The following DTNB variants were observed in gnomAD, a reference collection of about 807,000 sequenced individuals.
DTNB encodes the protein DTN-B.
A neutral mutation model predicts 90.7 loss-of-function variants in DTNB; 63 were observed. The observed-to-expected ratio is 0.69, with a 90% CI of 0.57 to 0.86. DTNB has a LOEUF of 0.86. Ranked by LOEUF, DTNB falls within the 40% of genes least tolerant of loss-of-function variation. The pLI is 0.00. For missense variants in DTNB, 744 were observed against 807.1 expected (o/e 0.92, Z 0.95); for synonymous variants, 277 against 286.7 (o/e 0.97, Z 0.34).
chr2:25,488,566 G>A (rs182718185), intron 9 of DTNB, among the ~76,000 whole-genome samples: 166 of 152,312 alleles, frequency 1.1e-3, no homozygotes, highest in African/African-American at 3.8e-3. Flanking sequence ...GAACTCAGAT[G>A]AAATGTCAAG....
At chr2:25,562,356 T>A (rs2058393530) in intron 8 of DTNB, among the ~76,000 whole-genome samples, 1 of 152,246 alleles carries the variant, frequency 6.6e-6, no homozygotes. Context: ...TTATTTCCAC[T>A]TTTTAGCTCT....
intron 13 of DTNB, among the ~76,000 whole-genome samples, chr2:25,433,437 C>T (rs1234115384): frequency 6.6e-6 from 1 of 152,102 alleles, no homozygotes; most frequent in Non-Finnish European, 1.5e-5. Context: ...TGCCTGTTAC[C>T]TTAGGTCGGG....
intron 8 of DTNB, among the ~76,000 whole-genome samples, chr2:25,533,921 C>G (rs761493342): frequency 1.3e-5 from 2 of 151,906 alleles, no homozygotes; most frequent in Non-Finnish European, 2.9e-5. Flanking sequence ...TGCTGCTACA[C>G]TGCAATTTTT....
chr2:25,662,466 A>G (rs944146184), intron 1 of DTNB, among the ~76,000 whole-genome samples: 1 of 152,180 alleles, frequency 6.6e-6, no homozygotes, highest in Non-Finnish European at 1.5e-5. Flanking sequence ...AAAAACATGC[A>G]TATTAACAGA....
At chr2:25,504,497 G>A (rs1421487082) in intron 9 of DTNB, among the ~76,000 whole-genome samples, 1 of 139,692 alleles carries the variant, frequency 7.2e-6, no homozygotes, top group Non-Finnish European at 1.5e-5. Context: ...CAAGAAAGAA[G>A]GAAAGAAGGA....
At chr2:25,656,425 G>A (rs757998884) in intron 1 of DTNB, among the ~76,000 whole-genome samples, 13 of 152,270 alleles carry the variant, frequency 8.5e-5, no homozygotes, top group South Asian at 2.1e-4. Context: ...TAATCTTGAA[G>A]ACCAATGCTA....
At chr2:25,568,742 C>T (rs2059402260) in intron 8 of DTNB, among the ~76,000 whole-genome samples, 1 of 152,236 alleles carries the variant, frequency 6.6e-6, no homozygotes, top group South Asian at 2.1e-4. Flanking sequence ...TAGAAGATCA[C>T]TGCGACAATG....
At chr2:25,549,826 A>C (rs1254483994) in intron 8 of DTNB, among the ~76,000 whole-genome samples, 1 of 151,854 alleles carries the variant, frequency 6.6e-6, no homozygotes, top group African/African-American at 2.4e-5. Context: ...ACACCCGGCT[A>C]ATTTTTGTAT....
chr2:25,671,321 G>C (rs1471598619), intron 1 of DTNB, among the ~76,000 whole-genome samples: 7 of 152,080 alleles, frequency 4.6e-5, no homozygotes, highest in Admixed American at 4.6e-4. Context: ...ACCGCACACG[G>C]GAAATCTGTG....
At chr2:25,623,141 C>T (rs1421602187) in intron 4 of DTNB, among the ~76,000 whole-genome samples, 1 of 152,158 alleles carries the variant, frequency 6.6e-6, no homozygotes, top group African/African-American at 2.4e-5. Context: ...AAATAATGAG[C>T]TTCTGGTAAT....
At chr2:25,407,816 G>T (rs538802378) in intron 16 of DTNB, among the ~76,000 whole-genome samples, 1 of 152,054 alleles carries the variant, frequency 6.6e-6, no homozygotes, top group Non-Finnish European at 1.5e-5. Flanking sequence ...CTACATATTG[G>T]GTGCAATGTA....
rs2080917094 is a variant in DTNB, at chr2:25,540,387, A to G, written c.877-8790T>C. On this transcript the variant is annotated intron_variant, in intron 8 of 20. Coordinates refer to ENST00000406818, the MANE Select transcript of DTNB (RefSeq NM_021907.5). ...CTGTTCTTATTCCTAGTTATTTTAT[A>G]AACATATTTTGTATACAGCAGCCCT... Among the ~76,000 whole-genome samples, 3 of 152,212 alleles carry G rather than the reference A, an allele frequency of 2.0e-5. No homozygotes were observed. The South Asian group carries it at 6.2e-4, about 31-fold the overall frequency.
At chr2:25,440,930 A>G (rs2057231210) in intron 12 of DTNB, among the ~76,000 whole-genome samples, 1 of 152,166 alleles carries the variant, frequency 6.6e-6, no homozygotes, top group African/African-American at 2.4e-5. Flanking sequence ...CAGGACTCCT[A>G]CTGGGTACCA....
In DTNB at chr2:25,620,575, T is replaced by C. The variant is rs1043842772; in HGVS notation, c.362+7596A>G. 2.6e-5 allele frequency among the ~76,000 whole-genome samples: 4 copies of C among 152,318 alleles called. No individual in the cohort carries two copies. The East Asian group carries it at 5.8e-4, about 22-fold the overall frequency. ...AAAGATTAGTTAATGGTAAAACCCT[T>C]TGCAAGTCTGCATATTCTGAATTCA... On this transcript the variant is annotated intron_variant, in intron 4 of 20. Transcript: ENST00000406818.
chr2:25,610,320 T>G (rs1487897376), intron 4 of DTNB, among the ~76,000 whole-genome samples: 1 of 152,218 alleles, frequency 6.6e-6, no homozygotes, highest in Admixed American at 6.5e-5. Flanking sequence ...TCCTTTTATT[T>G]TGTAATGTAA....
intron 3 of DTNB, among the ~76,000 whole-genome samples, chr2:25,636,509 A>G (rs1465469467): frequency 2.0e-5 from 3 of 152,212 alleles, no homozygotes; most frequent in Admixed American, 2.0e-4. Flanking sequence ...TATAAAAACG[A>G]GAGTTGTTCT....
intron 9 of DTNB, among the ~76,000 whole-genome samples, chr2:25,485,425 T>C (rs773444902): frequency 2.0e-5 from 3 of 152,208 alleles, no homozygotes; most frequent in Non-Finnish European, 4.4e-5. Context: ...TGCAATAAAA[T>C]TTCATGATTT....
chr2:25,394,504 A>G (rs1486867927), intron 16 of DTNB, among the ~76,000 whole-genome samples: 1 of 152,216 alleles, frequency 6.6e-6, no homozygotes, highest in Non-Finnish European at 1.5e-5. Flanking sequence ...CTGACACAGG[A>G]CTAATATTCA....
At chr2:25,451,480 C>A in intron 12 of DTNB, 68 bp downstream of exon 12, 1 of 1,500,248 alleles carries the variant, frequency 6.7e-7, no homozygotes, top group South Asian at 1.3e-5. Flanking sequence ...GTCTACTATT[C>A]CCTTTCCATT....
Sources: gnomAD v4.1 joint callset for allele counts (sites outside exome capture counted in the v4.1 genomes callset) on GRCh38, gnomAD v4.1.1 for gene constraint, MANE v1.5 for transcripts, NCBI Gene and HGNC (gene_info 2026-07-23, HGNC 2026-07-21) for gene names.